Variants in CSMD2 observed in about 807,000 individuals in gnomAD.
CSMD2 encodes the protein CUB and sushi domain-containing protein 2.
CSMD2 carries 130 observed loss-of-function variants against 398.5 expected under a neutral mutation model. That is an observed-to-expected ratio of 0.33 (90% confidence interval 0.28 to 0.38). The LOEUF is 0.38. CSMD2 is among the 10% of genes least tolerant of loss of function. The pLI is 1.00. For missense variants in CSMD2, 3,829 were observed against 4,764.9 expected, an observed-to-expected ratio of 0.80 and a Z score of 5.78; for synonymous variants, 1,828 against 1,908.5, an observed-to-expected ratio of 0.96 and a Z score of 1.10.
chr1:33,951,825 C>T (rs1320109554), intron 3 of CSMD2, among the ~76,000 whole-genome samples: 5 of 152,258 alleles, frequency 3.3e-5, no homozygotes, highest in African/African-American at 1.2e-4. Context: ...ACCACGCACA[C>T]TCCTGCTCCT....
intron 57 of CSMD2, 70 bp downstream of exon 57, chr1:33,545,963 GGGAA>G: frequency 6.9e-7 from 1 of 1,442,726 alleles, no homozygotes; most frequent in Non-Finnish European, 9.5e-7. Context: ...GCAGGTGCCT[GGGAA>G]TAAGAGCAGG....
intron 2 of CSMD2, among the ~76,000 whole-genome samples, chr1:34,060,509 G>T (rs59305409): frequency 5.9e-5 from 9 of 152,122 alleles, no homozygotes; most frequent in Non-Finnish European, 8.8e-5. Flanking sequence ...CGGCAGCCTG[G>T]GGGGAGCTCT....
chr1:34,066,687 G>A (rs1161035061), intron 2 of CSMD2, among the ~76,000 whole-genome samples: 2 of 152,064 alleles, frequency 1.3e-5, no homozygotes, highest in African/African-American at 2.4e-5. Flanking sequence ...GGGGTCTGGC[G>A]GGCTTGGACG....
chr1:33,690,072 C>G (rs1316114118), intron 25 of CSMD2, among the ~76,000 whole-genome samples: 1 of 152,128 alleles, frequency 6.6e-6, no homozygotes, highest in East Asian at 1.9e-4. Flanking sequence ...CTTACCGGCC[C>G]AGCCCGTCCC....
In CSMD2 at chr1:33,825,763, T is replaced by C. The variant is rs1484040579; in HGVS notation, c.1045A>G (p.Ile349Val). ...TTCACACCTCGAGACTTCAACTCAA[T>C]TTGCTTCTTGACTAGAGAGGAGGTA... ...FSAQYQVKKQ[I>V]ELKSRGVKLM... The change falls in exon 7 of 71, where the codon ATT (isoleucine) becomes GTT (valine). Residue 349 changes from isoleucine to valine, a missense_variant. By Grantham distance (29) the Ile-to-Val change is conservative. Around this residue, in one of 5 missense-constraint regions of CSMD2, gnomAD observed 2,001 missense variants for 2,567.1 expected, o/e 0.78. Transcript: ENST00000373381. The C allele has an allele frequency of 1.9e-6, 3 of 1,613,970 alleles. No individual in the cohort carries two copies. Among genetic ancestry groups the C allele is most frequent in the Non-Finnish European group, 2.5e-6 (3 of 1,179,954 alleles).
chr1:33,645,361 AC>A (rs1643365614), intron 29 of CSMD2, among the ~76,000 whole-genome samples: 1 of 144,098 alleles, frequency 6.9e-6, no homozygotes, highest in Admixed American at 6.8e-5. Context: ...ACACACACAC[AC>A]ACACACACAC....
intron 46 of CSMD2, among the ~76,000 whole-genome samples, chr1:33,586,279 A>G (rs1329496781): frequency 6.6e-6 from 1 of 152,240 alleles, no homozygotes; most frequent in African/African-American, 2.4e-5. Flanking sequence ...CACTGTGGCC[A>G]ATTCACAGGT....
intron 1 of CSMD2, among the ~76,000 whole-genome samples, chr1:34,100,327 CCTT>C (rs1342435244): frequency 2.0e-5 from 3 of 152,140 alleles, no homozygotes; most frequent in Admixed American, 6.5e-5. Flanking sequence ...CCCTCCCTCA[CCTT>C]CTTCTCTCTC....
At chr1:33,607,833 G>A (rs1344166923) in intron 41 of CSMD2, among the ~76,000 whole-genome samples, 1 of 152,208 alleles carries the variant, frequency 6.6e-6, no homozygotes, top group Non-Finnish European at 1.5e-5. Flanking sequence ...TGGGAGGAGG[G>A]GGCCCATTAT....
chr1:33,518,089 A>T lies in CSMD2; in HGVS notation c.*53+1376T>A, dbSNP rs1285521582. The stretch of plus-strand genomic sequence containing the variant: ...TGGTGGCCCACTTGGCGGATTTTCC[A>T]CCGCCCTCACTGGGAATCCCTACCT... On this transcript the variant is annotated intron_variant, in intron 70 of 70. Transcript: ENST00000373381. This position sits in a 1 kb window ranked among gnomAD's most constrained non-coding sequence, Gnocchi z 4.3. Among the ~76,000 whole-genome samples, 1 of 152,234 alleles carries T rather than the reference A, an allele frequency of 6.6e-6. No individual in the cohort carries two copies. Among genetic ancestry groups the T allele is most frequent in the African/African-American group, 2.4e-5 (1 of 41,470 alleles).
intron 28 of CSMD2, among the ~76,000 whole-genome samples, chr1:33,648,815 C>A (rs1643601619): frequency 6.6e-6 from 1 of 152,102 alleles, no homozygotes; most frequent in South Asian, 2.1e-4. Flanking sequence ...ACTTTACAGT[C>A]CTGATTTGGC....
chr1:33,713,739 T>C (rs1479937407), intron 21 of CSMD2, among the ~76,000 whole-genome samples: 1 of 152,158 alleles, frequency 6.6e-6, no homozygotes, highest in Non-Finnish European at 1.5e-5. Context: ...CCTCAAATGC[T>C]GAGCATGCTC....
At chr1:33,905,842 G>C (rs12069498) in intron 5 of CSMD2, among the ~76,000 whole-genome samples, 1 of 152,120 alleles carries the variant, frequency 6.6e-6, no homozygotes, top group East Asian at 1.9e-4. Context: ...GTGTGGCAGA[G>C]AACTCGGCTC....
chr1:33,540,541 C>G lies in CSMD2; in HGVS notation c.9615G>C (p.Glu3205Asp). 6.2e-7 allele frequency: 1 copy of G among 1,614,148 alleles called. No homozygotes were observed. Among genetic ancestry groups the G allele is most frequent in the South Asian group, 1.1e-5 (1 of 91,074 alleles). Reference sequence around the variant, plus strand: ...GCAACTTACGGAAACACTGAGGCAGCTCTCCGGTCCAGGACCCATTTCCCT... The same window carrying G: ...GCAACTTACGGAAACACTGAGGCAGGTCTCCGGTCCAGGACCCATTTCCCT... ...TCEGNGSWTG[E>D]LPQCFPVFCG... Residue 3205 changes from glutamate (E) to aspartate (D), a missense_variant, in exon 60 of 71, where the codon GAG becomes GAC. Transcript: ENST00000373381.
chr1:34,070,183 C>T (rs1294475196), intron 2 of CSMD2, among the ~76,000 whole-genome samples: 1 of 152,254 alleles, frequency 6.6e-6, no homozygotes, highest in Non-Finnish European at 1.5e-5. Context: ...ACCTAACTTA[C>T]ACTGGAGGAA....
intron 2 of CSMD2, among the ~76,000 whole-genome samples, chr1:34,042,634 T>G (rs1651984237): frequency 6.6e-6 from 1 of 152,132 alleles, no homozygotes; most frequent in South Asian, 2.1e-4. Context: ...ATAAGAGATC[T>G]GGATCAGCTA....
At chr1:33,573,184 C>G (rs1242933597) in intron 49 of CSMD2, among the ~76,000 whole-genome samples, 1 of 152,202 alleles carries the variant, frequency 6.6e-6, no homozygotes, top group East Asian at 1.9e-4. Context: ...GCCACATACT[C>G]AACTCAACCT....
At chr1:33,600,434 C>CA (rs11446195) in intron 44 of CSMD2, 74,158 of 551,394 alleles carry the variant, frequency 0.13, 5,674 homozygotes, top group African/African-American at 0.24. Context: ...TCTTCCTACT[C>CA]AAAATCACAA....
chr1:33,642,334 G>A (rs1344738369), intron 29 of CSMD2, among the ~76,000 whole-genome samples: 1 of 117,706 alleles, frequency 8.5e-6, no homozygotes, highest in African/African-American at 3.4e-5. Context: ...GTGACAGAGT[G>A]ACACTCTGTC....
Sources: gnomAD v4.1 joint callset for allele counts (sites outside exome capture counted in the v4.1 genomes callset) on GRCh38, gnomAD v4.1.1 for gene constraint, gnomAD v4.1.1 regional missense constraint, Gnocchi (gnomAD v3.1) non-coding constraint, MANE v1.5 for transcripts, NCBI Gene and HGNC (gene_info 2026-07-23, HGNC 2026-07-21) for gene names.